The following PTPRJ variants were observed in gnomAD, a reference collection of about 807,000 sequenced individuals.
The protein encoded by PTPRJ is receptor-type tyrosine-protein phosphatase eta.
PTPRJ carries 129 observed loss-of-function variants against 141.3 expected under a neutral mutation model. The ratio of observed to expected loss-of-function variants is 0.91; its 90% CI spans 0.79 to 1.06. The LOEUF (loss-of-function observed/expected upper bound fraction) is 1.06, where lower values mean the gene tolerates loss of function less well. PTPRJ is among the 50% of genes least tolerant of loss of function. The pLI, the probability that PTPRJ is intolerant of heterozygous loss-of-function variation, is 0.00. For missense variants in PTPRJ, 1,601 were observed against 1,679.7 expected, an observed-to-expected ratio of 0.95 and a Z score of 0.82; for synonymous variants, 610 against 640.5, an observed-to-expected ratio of 0.95 and a Z score of 0.72.
chr11:48,112,302 G>A (rs1158426390), intron 2 of PTPRJ, among the ~76,000 whole-genome samples: 2 of 152,172 alleles, frequency 1.3e-5, no homozygotes, highest in East Asian at 3.8e-4. Flanking sequence ...CATATACAGG[G>A]CCAAAAATCT....
chr11:48,125,867 C>T (rs1446599293), intron 6 of PTPRJ, among the ~76,000 whole-genome samples: 2 of 152,128 alleles, frequency 1.3e-5, no homozygotes, highest in Non-Finnish European at 2.9e-5. Flanking sequence ...CATTTGTGTC[C>T]TTCCTTCCCT....
rs564948395 is a variant in PTPRJ, at chr11:48,141,658, C to G, written c.2444-1261C>G. ...CCCAAGGCCACACCTTAGAGTTCCA[C>G]CACAGTCTCTTTCTCACTCTCCTTC... On this transcript the variant is annotated intron_variant, in intron 11 of 24. Transcript: ENST00000418331. Among the ~76,000 whole-genome samples, 4 of 152,258 alleles carry G rather than the reference C, an allele frequency of 2.6e-5. No individual in the cohort carries two copies. The East Asian group carries it at 7.7e-4, about 29-fold the overall frequency.
chr11:48,102,174 C>T (rs878942697), intron 1 of PTPRJ, among the ~76,000 whole-genome samples: 58 of 152,260 alleles, frequency 3.8e-4, no homozygotes, highest in Middle Eastern at 3.4e-3. Context: ...CTCAGTCTTT[C>T]GCATGCTCAT....
chr11:48,069,714 G>C (rs1339603715), intron 1 of PTPRJ, among the ~76,000 whole-genome samples: 1 of 152,076 alleles, frequency 6.6e-6, no homozygotes, highest in East Asian at 1.9e-4. Flanking sequence ...GCCTCCCAAA[G>C]TGCTGGGATT....
In PTPRJ at chr11:48,071,607, C is replaced by CTTTTT. The variant is rs35993560; in HGVS notation, c.97-38436_97-38432dup. Among the ~76,000 whole-genome samples, 16 of 82,436 alleles carry CTTTTT rather than the reference C, an allele frequency of 1.9e-4. 1 individual carries two copies. Among genetic ancestry groups the CTTTTT allele is most frequent in the East Asian group, 4.1e-4 (1 of 2,448 alleles). The allele number at this position is 82,436 out of a possible 152,430, so 54.1% of individuals were successfully genotyped here. Reference sequence around the variant, plus strand: ...ACAGGTGTGAGCCACCGCACCCAGCCTTTTTTTTTTTTTTTTTTTGAGATG... The same window carrying CTTTTT: ...ACAGGTGTGAGCCACCGCACCCAGCCTTTTTTTTTTTTTTTTTTTTTTTTGAGATG... On this transcript the variant is annotated intron_variant, in intron 1 of 24. Coordinates refer to ENST00000418331, the MANE Select transcript of PTPRJ (RefSeq NM_002843.4).
rs1857966868 is a variant in PTPRJ at position 48,168,321 on chromosome 11, G to A, written c.*959G>A. On this transcript the variant is annotated 3_prime_UTR_variant, in exon 25 of 25. Coordinates refer to ENST00000418331, the MANE Select transcript of PTPRJ (RefSeq NM_002843.4). ...GAAGGATTATTTAAAGGTGCAATATGTGAATTAGTGATTCATGATGTTCTA... is the reference window on the plus strand; with the variant it reads ...GAAGGATTATTTAAAGGTGCAATATATGAATTAGTGATTCATGATGTTCTA... 1 of 151,664 alleles carries A rather than the reference G, an allele frequency of 6.6e-6. No homozygotes were observed. Among genetic ancestry groups the A allele is most frequent in the South Asian group, 2.1e-4 (1 of 4,812 alleles). The allele number at this position is 151,664 out of a possible 1,614,324, so 9.4% of individuals were successfully genotyped here.
chr11:48,123,585 A>C, intron 4 of PTPRJ, 28 bp from the exon 5 acceptor site: 1 of 1,604,610 alleles, frequency 6.2e-7, no homozygotes, highest in African/African-American at 1.3e-5. Context: ...ATCTTGTTCC[A>C]TTAATGCATG....
chr11:48,167,377 C>G lies in PTPRJ; in HGVS notation c.*15C>G. On this transcript the variant is annotated 3_prime_UTR_variant, in exon 25 of 25. Transcript: ENST00000418331. ...ACATCGCCTAATTCCAAAGGAATAA[C>G]CTTTCTGGAGTGAACCAGACCGTCG... is the stretch of plus-strand genomic sequence containing the variant. The G allele has an allele frequency of 6.2e-7, 1 of 1,613,328 alleles. No individual in the cohort carries two copies. Among genetic ancestry groups the G allele is most frequent in the Non-Finnish European group, 8.5e-7 (1 of 1,179,546 alleles).
intron 15 of PTPRJ, among the ~76,000 whole-genome samples, chr11:48,147,662 T>A (rs757789849): frequency 5.3e-5 from 8 of 152,202 alleles, no homozygotes; most frequent in Non-Finnish European, 8.8e-5. Flanking sequence ...TGGCACGCCC[T>A]CTTGTCTGTG....
chr11:48,007,137 G>A (rs1228037), intron 1 of PTPRJ, among the ~76,000 whole-genome samples: 2,403 of 150,828 alleles, frequency 0.016, 64 homozygotes, highest in African/African-American at 0.055. Flanking sequence ...GTCTCGCTTT[G>A]TCTCCCAGGC....
chr11:48,105,698 G>A (rs966698818), intron 1 of PTPRJ, among the ~76,000 whole-genome samples: 3 of 152,154 alleles, frequency 2.0e-5, no homozygotes, highest in Admixed American at 6.5e-5. Flanking sequence ...AGGCTGACGG[G>A]CTTTCAGTGG....
intron 9 of PTPRJ, 88 bp from the exon 10 acceptor site, chr11:48,136,915 A>T (rs941881872): frequency 5.2e-6 from 7 of 1,340,380 alleles, no homozygotes; most frequent in Non-Finnish European, 6.1e-6. Context: ...TTCTAAAACG[A>T]GCCAGGCTAT....
In PTPRJ at chr11:48,145,121, C is replaced by G; in HGVS notation, c.2908C>G (p.Pro970Ala). ...AGATGCTGTTTCCTTGCCCCAGGATCCAGGTAGGGAGAAGACAACAGTCCT... is the reference window on the plus strand; with the variant it reads ...AGATGCTGTTTCCTTGCCCCAGGATGCAGGTAGGGAGAAGACAACAGTCCT... ...YSDAVSLPQD[P>A]GVICGAVFGC... is the part of the protein sequence containing the mutation. Residue 970 changes from proline to alanine, a missense_variant, in exon 14 of 25, where the codon CCA (proline) becomes GCA (alanine). Transcript: ENST00000418331. 3 of 1,613,892 alleles carry G rather than the reference C, an allele frequency of 1.9e-6. No individual in the cohort carries two copies. The highest frequency in any genetic ancestry group is 2.5e-6 in the Non-Finnish European group (3 of 1,179,998).
intron 1 of PTPRJ, among the ~76,000 whole-genome samples, chr11:47,985,076 C>G (rs1333468553): frequency 6.6e-6 from 1 of 151,724 alleles, no homozygotes; most frequent in Non-Finnish European, 1.5e-5. Context: ...TGGTCTTGAT[C>G]TCCTGACCTC....
At chr11:48,152,460 A>C (rs10838809) in intron 18 of PTPRJ, among the ~76,000 whole-genome samples, 149,065 of 151,756 alleles carry the variant, frequency 0.98, 73,271 homozygotes, top group Middle Eastern at 1. Context: ...AATTAGATCC[A>C]ATTTGTCAAT....
chr11:48,067,982 CTAA>C (rs1218317222), intron 1 of PTPRJ, among the ~76,000 whole-genome samples: 1 of 152,176 alleles, frequency 6.6e-6, no homozygotes, highest in Non-Finnish European at 1.5e-5. Context: ...GAACAGTCTG[CTAA>C]TTATATGACT....
At chr11:48,136,375 A>C (rs1590546294) in intron 9 of PTPRJ, 79 bp downstream of exon 9, 1 of 1,520,960 alleles carries the variant, frequency 6.6e-7, no homozygotes, top group African/African-American at 1.4e-5. Flanking sequence ...AATGATGGCC[A>C]GTGTGCTTCT....
intron 8 of PTPRJ, among the ~76,000 whole-genome samples, chr11:48,134,452 G>A (rs982577665): frequency 6.6e-6 from 1 of 151,922 alleles, no homozygotes; most frequent in Admixed American, 6.6e-5. Context: ...TTTTGTCTGT[G>A]GAATCCCTTT....
At chr11:47,982,732 C>T (rs976987919) in intron 1 of PTPRJ, among the ~76,000 whole-genome samples, 2 of 151,474 alleles carry the variant, frequency 1.3e-5, no homozygotes, top group African/African-American at 4.8e-5. Flanking sequence ...ATAGTGGTTG[C>T]TAGCTGTGTT....
Sources: gnomAD v4.1 joint callset for allele counts (sites outside exome capture counted in the v4.1 genomes callset) on GRCh38, gnomAD v4.1.1 for gene constraint, MANE v1.5 for transcripts, NCBI Gene and HGNC (gene_info 2026-07-23, HGNC 2026-07-21) for gene names.